SMCHD1: variants seen among roughly 807,000 people sequenced by gnomAD.
SMCHD1 encodes the protein structural maintenance of chromosomes flexible hinge domain-containing protein 1.
Under a neutral mutation model 254.7 loss-of-function variants are expected in SMCHD1, and 78 were observed. The observed-to-expected ratio is 0.31, with a 90% confidence interval of 0.26 to 0.37. The LOEUF is 0.37. Ranked by LOEUF, SMCHD1 falls within the 10% of genes least tolerant of loss-of-function variation. The pLI is 1.00. For synonymous variants in SMCHD1, 766 were observed against 794.9 expected, an observed-to-expected ratio of 0.96 and a Z score of 0.61; for missense variants, 1,840 against 2,408.1, an observed-to-expected ratio of 0.76 and a Z score of 4.94.
At chr18:2,688,574 T>A in intron 6 of SMCHD1, 54 bp from the exon 7 acceptor site, 2 of 1,582,266 alleles carry the variant, frequency 1.3e-6, no homozygotes, top group Non-Finnish European at 1.7e-6. Context: ...TCTGTCTAAA[T>A]GCATTAACCA....
intron 45 of SMCHD1, among the ~76,000 whole-genome samples, chr18:2,792,736 A>C (rs141941986): frequency 4.9e-4 from 74 of 152,308 alleles, no homozygotes; most frequent in Non-Finnish European, 8.8e-4. Flanking sequence ...TCAATATTTC[A>C]GTCAATTATG....
intron 30 of SMCHD1, among the ~76,000 whole-genome samples, chr18:2,749,658 A>G (rs1409952860): frequency 6.6e-6 from 1 of 152,210 alleles, no homozygotes; most frequent in Admixed American, 6.5e-5. Flanking sequence ...TGACTTGAGT[A>G]TGTGTGTACA....
chr18:2,773,796 G>C (rs1475661640), intron 41 of SMCHD1, among the ~76,000 whole-genome samples: 1 of 152,098 alleles, frequency 6.6e-6, no homozygotes, highest in Non-Finnish European at 1.5e-5. Context: ...GGTGGCATGT[G>C]CCTGTAATCA....
At chr18:2,678,814 CGTTTTTT>C (rs2073839108) in intron 5 of SMCHD1, among the ~76,000 whole-genome samples, 1 of 77,590 alleles carries the variant, frequency 1.3e-5, no homozygotes, top group Non-Finnish European at 3.2e-5. Flanking sequence ...TTAATCTTTC[CGTTTTTT>C]GTTTTTTTTT....
chr18:2,777,056 A>ACCCCCCCCCCCCCCC, intron 42 of SMCHD1, among the ~76,000 whole-genome samples: 1 of 90,718 alleles, frequency 1.1e-5, no homozygotes, highest in East Asian at 2.8e-4. Context: ...GGCATGCACC[A>ACCCCCCCCCCCCCCC]CCACCTCCCC....
rs1016411181 is a variant in SMCHD1, at chr18:2,665,327, T to C, written c.187-830T>C. ...TCTTGTTGCAATTTCCCTCTAATTT[T>C]TTTTTTTCTTTGAGACGGAGTCTCA... On this transcript the variant is annotated intron_variant, in intron 1 of 47. Coordinates refer to ENST00000320876, the MANE Select transcript of SMCHD1 (RefSeq NM_015295.3). Among the ~76,000 whole-genome samples the C allele has an allele frequency of 1.2e-4, 18 of 152,266 alleles. No homozygotes were observed. In the East Asian group the frequency reaches 3.3e-3, roughly 28 times the overall value.
chr18:2,751,879 CA>C (rs1197389830), intron 33 of SMCHD1, among the ~76,000 whole-genome samples: 2 of 152,022 alleles, frequency 1.3e-5, no homozygotes, highest in Non-Finnish European at 2.9e-5. Context: ...CCTAATATAT[CA>C]AAAGTTACCA....
intron 26 of SMCHD1, 25 bp from the exon 27 acceptor site, chr18:2,739,407 C>T: frequency 6.3e-7 from 1 of 1,578,714 alleles, no homozygotes. Context: ...TCACTAAAGA[C>T]TTCTAACTTG....
chr18:2,702,834 A>G (rs2074433769), intron 12 of SMCHD1, among the ~76,000 whole-genome samples: 1 of 152,220 alleles, frequency 6.6e-6, no homozygotes. Flanking sequence ...GAAATGGTAT[A>G]TTATGGTATA....
At chr18:2,689,514 C>T (rs187940577) in intron 7 of SMCHD1, among the ~76,000 whole-genome samples, 26 of 151,794 alleles carry the variant, frequency 1.7e-4, no homozygotes, top group Admixed American at 9.2e-4. Context: ...AGCCACCGCG[C>T]CCAGCCTGAA....
intron 7 of SMCHD1, among the ~76,000 whole-genome samples, chr18:2,690,479 A>G (rs1343786453): frequency 6.6e-6 from 1 of 151,660 alleles, no homozygotes; most frequent in African/African-American, 2.4e-5. Flanking sequence ...ATGAATTTGA[A>G]CTTTTTTTTT....
chr18:2,773,954 C>T (rs910622768), intron 41 of SMCHD1, among the ~76,000 whole-genome samples: 1 of 151,930 alleles, frequency 6.6e-6, no homozygotes, highest in African/African-American at 2.4e-5. Context: ...AATAAATAAT[C>T]GTAGAAATAC....
chr18:2,762,900 A>C (rs1234582387), intron 36 of SMCHD1, among the ~76,000 whole-genome samples: 1 of 152,214 alleles, frequency 6.6e-6, no homozygotes, highest in African/African-American at 2.4e-5. Context: ...TGAAGGACAT[A>C]AGTATTTTTT....
At position 2,700,595 on chromosome 18, in the gene SMCHD1, G is replaced by A. The variant is rs1325498529; in HGVS notation, c.1399G>A (p.Gly467Arg). The A allele has an allele frequency of 6.2e-7, 1 of 1,612,040 alleles. No homozygotes were observed. Among genetic ancestry groups the A allele is most frequent in the African/African-American group, 1.3e-5 (1 of 75,016 alleles). Reference protein sequence around the residue: ...DCFILEKAARGKRPIFECFWN... With the variant: ...DCFILEKAARRKRPIFECFWN... ...TTTCATACTTGAGAAAGCAGCTAGA[G>A]GGAAAAGGCCTATTTTTGAATGTTT... is the stretch of plus-strand genomic sequence containing the variant. Residue 467 changes from glycine (G) to arginine (R), a missense_variant, in exon 11 of 48, where the codon GGG becomes AGG. Physicochemically the swap from Gly to Arg is moderately radical, Grantham distance 125. Coordinates refer to ENST00000320876, the MANE Select transcript of SMCHD1 (RefSeq NM_015295.3).
At chr18:2,717,114 C>T (rs886271585) in intron 17 of SMCHD1, among the ~76,000 whole-genome samples, 8 of 152,290 alleles carry the variant, frequency 5.3e-5, no homozygotes, top group African/African-American at 1.7e-4. Flanking sequence ...CCCGCTGTGA[C>T]TTAGGATCGG....
At chr18:2,661,236 T>C (rs900755291) in intron 1 of SMCHD1, among the ~76,000 whole-genome samples, 1 of 152,118 alleles carries the variant, frequency 6.6e-6, no homozygotes, top group African/African-American at 2.4e-5. Context: ...CATGTGGGGC[T>C]TAAATCCTAG....
At chr18:2,760,965 A>T (rs1226433272) in intron 35 of SMCHD1, among the ~76,000 whole-genome samples, 2 of 152,204 alleles carry the variant, frequency 1.3e-5, no homozygotes, top group African/African-American at 4.8e-5. Context: ...GACCTGTTAC[A>T]GGAGTCACAT....
intron 17 of SMCHD1, among the ~76,000 whole-genome samples, chr18:2,712,922 A>G (rs189101833): frequency 6.6e-6 from 1 of 152,296 alleles, no homozygotes; most frequent in Non-Finnish European, 1.5e-5. Context: ...ACTTGATCTC[A>G]TCCTCACTTA....
intron 20 of SMCHD1, among the ~76,000 whole-genome samples, chr18:2,724,064 G>A (rs552481565): frequency 6.7e-6 from 1 of 149,926 alleles, no homozygotes; most frequent in East Asian, 2.0e-4. Context: ...TCATATTAGT[G>A]GGATTTTAAG....
Sources: allele counts gnomAD v4.1 joint callset (sites outside exome capture counted in the v4.1 genomes callset), GRCh38; gene constraint gnomAD v4.1.1; transcripts MANE v1.5; gene names NCBI Gene and HGNC (gene_info 2026-07-23, HGNC 2026-07-21).